The following UFL1 variants were observed in gnomAD, a reference collection of about 807,000 sequenced individuals.
UFL1 encodes the protein UFM1 specific ligase 1.
Under a neutral mutation model 99.3 loss-of-function variants are expected in UFL1, and 78 were observed. The ratio of observed to expected loss-of-function variants is 0.79; its 90% CI spans 0.65 to 0.95. The LOEUF is 0.95. Ranked by LOEUF, UFL1 falls within the 40% of genes least tolerant of loss-of-function variation. UFL1 has a pLI of 0.00. For missense variants in UFL1, 936 were observed against 937.0 expected (o/e 1.00, Z 0.01); for synonymous variants, 335 against 322.2 (o/e 1.04, Z -0.42).
Position 96,521,870 on chromosome 6 carries a change from C to G in UFL1, c.-4C>G, listed in dbSNP as rs763788123. 5 of 1,611,438 alleles carry G rather than the reference C, an allele frequency of 3.1e-6. No homozygotes were observed. The East Asian group carries it at 6.7e-5, about 22-fold the overall frequency. On this transcript the variant is annotated 5_prime_UTR_variant, in exon 1 of 19. Coordinates refer to ENST00000369278, the MANE Select transcript of UFL1 (RefSeq NM_015323.5). ...CCTCCGCGTCTACTGCGAGTCAGGC[C>G]GTGATGGCGGACGCCTGGGAAGAGA...
In UFL1 at chr6:96,549,777, ATCCT is replaced by A; in HGVS notation, c.1797_1800del (p.Asp599GlufsTer8). ...TCGGATTTAATGATGGCAGTAGACG[ATCCT>A]GCAGCCATTACAAGTGAAGTATGTT... On this transcript the variant is annotated frameshift_variant, in exon 15 of 19. Transcript: ENST00000369278. LOFTEE classifies it high-confidence loss of function. 1 of 1,611,904 alleles carries A rather than the reference ATCCT, an allele frequency of 6.2e-7. No homozygotes were observed. The highest frequency in any genetic ancestry group is 8.5e-7 in the Non-Finnish European group (1 of 1,178,542).
chr6:96,548,591 G>A (rs545209582), intron 13 of UFL1, among the ~76,000 whole-genome samples: 8 of 151,710 alleles, frequency 5.3e-5, no homozygotes, highest in African/African-American at 1.9e-4. Flanking sequence ...CCACTGGCTG[G>A]TCTCTTCTAT....
At chr6:96,529,837 G>A (rs756501641) in intron 6 of UFL1, among the ~76,000 whole-genome samples, 3 of 152,192 alleles carry the variant, frequency 2.0e-5, no homozygotes, top group African/African-American at 7.2e-5. Context: ...TAGAAGGAGA[G>A]CATGTATTCT....
chr6:96,537,506 C>T lies in UFL1; in HGVS notation c.935C>T (p.Ser312Leu). The T allele has an allele frequency of 6.2e-7, 1 of 1,607,626 alleles. No homozygotes were observed. Among genetic ancestry groups the T allele is most frequent in the Non-Finnish European group, 8.5e-7 (1 of 1,177,102 alleles). The stretch of plus-strand genomic sequence containing the variant: ...GGACTTGTGGATCAAGTGGAAGCAT[C>T]AGTAGAAGAAGCCATCAGCTCTGGA... ...GQGLVDQVEA[S>L]VEEAISSGTW... Residue 312 changes from serine (S) to leucine (L), a missense_variant, in exon 9 of 19, where the codon TCA (serine) becomes TTA (leucine). Transcript: ENST00000369278.
chr6:96,551,845 A>G lies in UFL1; in HGVS notation c.1907A>G (p.Glu636Gly). ...TATTCAATGCCTTTTCAGAGCATAG[A>G]AGACTTTATTTCTTGTCTGGATTCT... The part of the protein sequence containing the change: ...LHNSLNEKSI[E>G]DFISCLDSAA... Residue 636 changes from glutamate to glycine, a missense_variant, in exon 17 of 19, where the codon GAA becomes GGA. Transcript: ENST00000369278. 1 of 1,602,996 alleles carries G rather than the reference A, an allele frequency of 6.2e-7. No homozygotes were observed. Among genetic ancestry groups the G allele is most frequent in the South Asian group, 1.1e-5 (1 of 89,480 alleles).
In UFL1 at chr6:96,551,482, T is replaced by C; in HGVS notation, c.1868T>C (p.Leu623Pro). Residue 623 changes from leucine to proline, a missense_variant, in exon 16 of 19, where the codon CTT (leucine) becomes CCT (proline). Coordinates refer to ENST00000369278, the MANE Select transcript of UFL1 (RefSeq NM_015323.5). ...SKLSEETKVA[L>P]TKLHNSLNEK... ...TTATCAGAAGAAACCAAAGTAGCTC[T>C]TACAAAACTCCATAACTCTCTGAAT... 1.3e-6 allele frequency: 2 copies of C among 1,537,730 alleles called. No homozygotes were observed. Among genetic ancestry groups the C allele is most frequent in the Non-Finnish European group, 1.8e-6 (2 of 1,139,646 alleles).
chr6:96,523,153 G>A lies in UFL1; in HGVS notation c.85G>A (p.Glu29Lys). 1.2e-6 allele frequency: 2 copies of A among 1,604,026 alleles called. No homozygotes were observed. The highest frequency in any genetic ancestry group is 8.5e-7 in the Non-Finnish European group (1 of 1,175,828). The change falls in exon 2 of 19, where the codon GAG (glutamate) becomes AAG (lysine). Residue 29 changes from glutamate (E) to lysine (K), a missense_variant. Transcript: ENST00000369278. ...TTTTTTTCTTTCCCTCAGGTTGTCC[G>A]AGCGGAACTGCATTGAGATTGTTAA... The part of the protein sequence containing the change: ...QFAEATQRLS[E>K]RNCIEIVNKL...
chr6:96,521,815 C>A lies in UFL1; in HGVS notation c.-59C>A. The A allele has an allele frequency of 6.4e-7, 1 of 1,554,778 alleles. No homozygotes were observed. Among genetic ancestry groups the A allele is most frequent in the East Asian group, 2.4e-5 (1 of 41,562 alleles). The stretch of plus-strand genomic sequence containing the variant: ...GCGGCCCGTTCCGCCTCTCTTCTCC[C>A]ACCGCCTGTCGGCTGACGTGTCTGC... On this transcript the variant is annotated 5_prime_UTR_variant, in exon 1 of 19. Transcript: ENST00000369278.
Position 96,534,433 on chromosome 6 carries a change from T to C in UFL1, c.655+112T>C. The C allele has an allele frequency of 3.5e-6, 3 of 855,818 alleles. No individual in the cohort carries two copies. The Admixed American group carries it at 1.1e-4, about 32-fold the overall frequency. 53.0% of individuals were successfully genotyped at this position (855,818 alleles called of 1,614,324 possible). On this transcript the variant is annotated intron_variant, in intron 7 of 18. Transcript: ENST00000369278. ...TTTTATTGTTAATGTAACTAAAATA[T>C]TTCCTGGTTTAAAAAAGTTTCTTTG...
At chr6:96,546,056 A>G (rs1220209039) in intron 12 of UFL1, among the ~76,000 whole-genome samples, 2 of 151,256 alleles carry the variant, frequency 1.3e-5, no homozygotes, top group Non-Finnish European at 3.0e-5. Flanking sequence ...AAGCATCCAT[A>G]TTGGAAAAGA....
At chr6:96,551,552 C>T in intron 16 of UFL1, 39 bp downstream of exon 16, 1 of 1,298,654 alleles carries the variant, frequency 7.7e-7, no homozygotes. Context: ...TCAGGGCTAG[C>T]AGTTTGTTAC....
chr6:96,526,515 A>T, intron 5 of UFL1, 80 bp downstream of exon 5: 1 of 1,078,346 alleles, frequency 9.3e-7, no homozygotes, highest in Admixed American at 2.1e-5. Context: ...GGGGGAAAAA[A>T]AAATGAGACT....
chr6:96,526,517 A>G, intron 5 of UFL1, 82 bp downstream of exon 5: 1 of 1,076,292 alleles, frequency 9.3e-7, no homozygotes, highest in Non-Finnish European at 1.4e-6. Flanking sequence ...GGGAAAAAAA[A>G]ATGAGACTTC....
At chr6:96,544,465 T>C (rs1769973784) in intron 12 of UFL1, among the ~76,000 whole-genome samples, 1 of 151,012 alleles carries the variant, frequency 6.6e-6, no homozygotes, top group South Asian at 2.1e-4. Context: ...TTCACAGAAT[T>C]CATTACATAC....
intron 1 of UFL1, chr6:96,522,880 A>T (rs2127947988): frequency 3.8e-6 from 1 of 263,410 alleles, no homozygotes; most frequent in East Asian, 6.9e-5. Context: ...GATTGGAAGC[A>T]GGCCTGTAAG....
At chr6:96,536,441 A>C in intron 8 of UFL1, 51 bp downstream of exon 8, 3 of 1,462,114 alleles carry the variant, frequency 2.1e-6, no homozygotes, top group Non-Finnish European at 2.8e-6. Context: ...CACTAAACTC[A>C]TTCTTTAAAA....
At chr6:96,533,110 C>G (rs530445813) in intron 6 of UFL1, among the ~76,000 whole-genome samples, 1 of 151,576 alleles carries the variant, frequency 6.6e-6, no homozygotes, top group Non-Finnish European at 1.5e-5. Context: ...AATGAAAAGA[C>G]TAACCTTAAC....
At chr6:96,551,579 AT>A in intron 16 of UFL1, 66 bp downstream of exon 16, 2 of 1,144,000 alleles carry the variant, frequency 1.7e-6, no homozygotes, top group Non-Finnish European at 2.4e-6. Flanking sequence ...CTTTGAGTAG[AT>A]TTTTTTATCA....
At chr6:96,522,901 C>G (rs570576180) in intron 1 of UFL1, 14 of 292,948 alleles carry the variant, frequency 4.8e-5, no homozygotes, top group African/African-American at 2.6e-4. Flanking sequence ...AGACAACAGA[C>G]TTGAAATTTG....
Sources: allele counts gnomAD v4.1 joint callset (sites outside exome capture counted in the v4.1 genomes callset), GRCh38; gene constraint gnomAD v4.1.1; transcripts MANE v1.5; gene names NCBI Gene and HGNC (gene_info 2026-07-23, HGNC 2026-07-21).